Variants in DCC observed in about 807,000 individuals in gnomAD.
DCC encodes the protein netrin receptor DCC.
Under a neutral mutation model 172.5 loss-of-function variants are expected in DCC, and 58 were observed. The observed-to-expected ratio is 0.34, with a 90% CI of 0.27 to 0.42. The LOEUF (loss-of-function observed/expected upper bound fraction) is 0.42, where lower values mean the gene tolerates loss of function less well. DCC is among the 10% of genes least tolerant of loss of function. The probability of loss-of-function intolerance (pLI) is 1.00; values close to 1 mark genes in which losing one functional copy is unlikely to be tolerated. For synonymous variants in DCC, 709 were observed against 644.5 expected, an observed-to-expected ratio of 1.10 and a Z score of -1.52; for missense variants, 1,740 against 1,791.0, an observed-to-expected ratio of 0.97 and a Z score of 0.51.
intron 1 of DCC, among the ~76,000 whole-genome samples, chr18:52,590,825 T>C (rs1598937736): frequency 6.6e-6 from 1 of 152,218 alleles, no homozygotes; most frequent in Admixed American, 6.5e-5. Flanking sequence ...GTCTTTACCA[T>C]CTCTGGGTGA....
In DCC at chr18:53,446,124, A is replaced by ACAAAAAAAC. The variant is rs1912595753; in HGVS notation, c.3230-4374_3230-4373insAAAAAACCA. Reference sequence around the variant, plus strand: ...AAAAAAAAAAAAAAAACAAAAAAAAACACTTAAAAATTTTCCAGGGATGGT... The same window carrying ACAAAAAAAC: ...AAAAAAAAAAAAAAAACAAAAAAAAACAAAAAAACCACTTAAAAATTTTCCAGGGATGGT... On this transcript the variant is annotated intron_variant, in intron 22 of 28. Transcript: ENST00000442544. Among the ~76,000 whole-genome samples, 4 of 117,174 alleles carry ACAAAAAAAC rather than the reference A, an allele frequency of 3.4e-5. 1 individual carries two copies. The highest frequency in any genetic ancestry group is 7.4e-5 in the Non-Finnish European group (4 of 54,398). 76.9% of individuals were successfully genotyped at this position (117,174 alleles called of 152,430 possible).
chr18:53,434,612 C>T (rs1455995535), intron 21 of DCC, among the ~76,000 whole-genome samples: 1 of 152,108 alleles, frequency 6.6e-6, no homozygotes. Context: ...GTGACATAAC[C>T]TCCACTCTTA....
intron 2 of DCC, among the ~76,000 whole-genome samples, chr18:52,830,187 C>A (rs1334993128): frequency 5.3e-5 from 8 of 152,196 alleles, no homozygotes; most frequent in African/African-American, 1.7e-4. Flanking sequence ...GCAAGCTTGT[C>A]CAACTCGCGG....
intron 1 of DCC, among the ~76,000 whole-genome samples, chr18:52,371,864 C>T (rs1365465832): frequency 2.0e-5 from 3 of 152,178 alleles, no homozygotes; most frequent in Non-Finnish European, 4.4e-5. Flanking sequence ...CTGGCCTCTG[C>T]CTAGTCCTGG....
chr18:53,381,990 T>C (rs1164294915), intron 15 of DCC, among the ~76,000 whole-genome samples: 1 of 151,582 alleles, frequency 6.6e-6, no homozygotes, highest in Non-Finnish European at 1.5e-5. Flanking sequence ...CTTTCCAAGA[T>C]CCTCTCTGAC....
At chr18:53,188,574 G>A (rs1393140441) in intron 9 of DCC, among the ~76,000 whole-genome samples, 2 of 152,140 alleles carry the variant, frequency 1.3e-5, no homozygotes, top group Non-Finnish European at 2.9e-5. Context: ...TTTTTCAAAT[G>A]TCTCCCTTAG....
chr18:52,361,093 T>C (rs190042815), intron 1 of DCC, among the ~76,000 whole-genome samples: 41 of 152,348 alleles, frequency 2.7e-4, no homozygotes, highest in Non-Finnish European at 5.6e-4. Context: ...CTGACAGTCA[T>C]GTTGAGACAA....
chr18:53,384,908 C>T (rs528245788), intron 15 of DCC, among the ~76,000 whole-genome samples: 64 of 151,110 alleles, frequency 4.2e-4, no homozygotes, highest in Non-Finnish European at 7.2e-4. Flanking sequence ...AGTGCAATGG[C>T]GCTATCTCGG....
intron 1 of DCC, among the ~76,000 whole-genome samples, chr18:52,658,708 G>C (rs1434711394): frequency 3.9e-5 from 6 of 152,100 alleles, no homozygotes; most frequent in African/African-American, 1.4e-4. Flanking sequence ...GATTTTGTGT[G>C]TGTACAAATG....
chr18:52,961,863 T>G (rs2040847616), intron 5 of DCC, among the ~76,000 whole-genome samples: 1 of 152,136 alleles, frequency 6.6e-6, no homozygotes, highest in Non-Finnish European at 1.5e-5. Context: ...GGGGAAAGGA[T>G]TCCCTATTTA....
At chr18:52,868,795 A>G (rs2079399244) in intron 2 of DCC, among the ~76,000 whole-genome samples, 1 of 152,184 alleles carries the variant, frequency 6.6e-6, no homozygotes, top group Non-Finnish European at 1.5e-5. Flanking sequence ...TGAGTCAGGT[A>G]GGGAGCACCA....
intron 12 of DCC, among the ~76,000 whole-genome samples, chr18:53,261,459 T>A (rs556843791): frequency 1.3e-5 from 2 of 152,232 alleles, no homozygotes; most frequent in South Asian, 4.1e-4. Flanking sequence ...AGGAGCTGGG[T>A]CATACTTATG....
chr18:52,390,488 T>C (rs1178746512), intron 1 of DCC, among the ~76,000 whole-genome samples: 1 of 152,104 alleles, frequency 6.6e-6, no homozygotes, highest in Non-Finnish European at 1.5e-5. Flanking sequence ...CCTAATAAAT[T>C]TAAAAATAAA....
chr18:53,024,819 A>G (rs565281803), intron 5 of DCC, among the ~76,000 whole-genome samples: 1 of 152,174 alleles, frequency 6.6e-6, no homozygotes, highest in East Asian at 1.9e-4. Context: ...CTTAATAGAT[A>G]TAAATTATGT....
At chr18:53,176,075 G>T (rs1400617389) in intron 8 of DCC, among the ~76,000 whole-genome samples, 6 of 145,908 alleles carry the variant, frequency 4.1e-5, no homozygotes, top group Admixed American at 6.9e-5. Flanking sequence ...CAAGCAATGG[G>T]GAAAGGATTC....
intron 1 of DCC, among the ~76,000 whole-genome samples, chr18:52,364,401 A>G (rs1454545498): frequency 1.3e-5 from 2 of 152,238 alleles, no homozygotes; most frequent in Non-Finnish European, 2.9e-5. Flanking sequence ...TAAAATTTTG[A>G]TAAACATTGC....
At chr18:53,163,678 A>C (rs560119595) in intron 8 of DCC, among the ~76,000 whole-genome samples, 322 of 152,220 alleles carry the variant, frequency 2.1e-3, no homozygotes, top group Non-Finnish European at 3.8e-3. Context: ...TCATAAGTTA[A>C]AGAGCAGCAT....
chr18:53,319,253 C>T (rs1166001335), intron 13 of DCC, among the ~76,000 whole-genome samples: 1 of 152,118 alleles, frequency 6.6e-6, no homozygotes, highest in Non-Finnish European at 1.5e-5. Flanking sequence ...ATCAAATTCA[C>T]ACATAATAAT....
intron 2 of DCC, among the ~76,000 whole-genome samples, chr18:52,837,301 G>C (rs1472082729): frequency 6.6e-6 from 1 of 152,194 alleles, no homozygotes; most frequent in African/African-American, 2.4e-5. Flanking sequence ...AAATTTCCAT[G>C]GCTGGCTTGA....
Sources: allele counts gnomAD v4.1 joint callset (sites outside exome capture counted in the v4.1 genomes callset), GRCh38; gene constraint gnomAD v4.1.1; transcripts MANE v1.5; gene names NCBI Gene and HGNC (gene_info 2026-07-23, HGNC 2026-07-21).